Variants in LMBR1 observed in about 807,000 individuals in gnomAD.
LMBR1 encodes limb region 1 protein homolog.
A neutral mutation model predicts 73.9 loss-of-function variants in LMBR1; 52 were observed. That is an observed-to-expected ratio of 0.70 (90% CI 0.56 to 0.89). LMBR1 has a LOEUF of 0.89. LMBR1 is among the 40% of genes least tolerant of loss of function. LMBR1 has a pLI of 0.00. For synonymous variants in LMBR1, 215 were observed against 209.4 expected, an observed-to-expected ratio of 1.03 and a Z score of -0.23; for missense variants, 539 against 579.8, an observed-to-expected ratio of 0.93 and a Z score of 0.72.
At chr7:156,736,748 T>C in intron 9 of LMBR1, 1 of 337,404 alleles carries the variant, frequency 3.0e-6, no homozygotes, top group Middle Eastern at 5.7e-4. Context: ...CCAAAATGCC[T>C]ATCCACATAG....
In LMBR1 at chr7:156,763,182, A is replaced by T. The variant is rs533021069; in HGVS notation, c.551-6T>A. On this transcript the variant is annotated splice_polypyrimidine_tract_variant and splice_region_variant and intron_variant, in intron 6 of 16. Coordinates refer to ENST00000353442, the MANE Select transcript of LMBR1 (RefSeq NM_022458.4). ...TAGATAGAACTCCCAGAGATCTATT[A>T]AAAAAAAGTAAATATATTTTAATAA... The T allele has an allele frequency of 8.5e-5, 100 of 1,172,184 alleles. 1 individual carries two copies. Among genetic ancestry groups the T allele is most frequent in the Admixed American group, 5.3e-4 (23 of 43,474 alleles). The allele number at this position is 1,172,184 out of a possible 1,614,324, so 72.6% of individuals were successfully genotyped here. A position where few individuals can be genotyped will look rare whatever the true frequency, so the allele number is the denominator to read the frequency against.
At chr7:156,788,739 A>C (rs1298443042) in intron 5 of LMBR1, among the ~76,000 whole-genome samples, 1 of 152,216 alleles carries the variant, frequency 6.6e-6, no homozygotes, top group Non-Finnish European at 1.5e-5. Flanking sequence ...AATTTCTAGG[A>C]GATCTGAGAA....
chr7:156,862,741 T>C (rs941301481), intron 1 of LMBR1, among the ~76,000 whole-genome samples: 7 of 152,224 alleles, frequency 4.6e-5, no homozygotes, highest in African/African-American at 7.2e-5. Context: ...CATAATGTGG[T>C]TGGGCCTCAT....
intron 5 of LMBR1, among the ~76,000 whole-genome samples, chr7:156,768,352 T>A (rs1585666437): frequency 6.6e-6 from 1 of 152,056 alleles, no homozygotes; most frequent in Admixed American, 6.5e-5. Context: ...ACAGAGTGAC[T>A]CGGTCTCAAA....
rs562834754 is a variant in LMBR1, at chr7:156,890,454, G to A, written c.66+2474C>T. ...TCTGACAAAGAAATCATATCCACCT[G>A]TATAACAATATAATACAAGTTATTC... On this transcript the variant is annotated intron_variant, in intron 1 of 16. Transcript: ENST00000353442. 7.9e-5 allele frequency among the ~76,000 whole-genome samples: 12 copies of A among 152,258 alleles called. 1 individual carries two copies. The South Asian group carries it at 2.3e-3, about 29-fold the overall frequency.
At chr7:156,838,809 G>A (rs940479459) in intron 1 of LMBR1, among the ~76,000 whole-genome samples, 9 of 151,992 alleles carry the variant, frequency 5.9e-5, no homozygotes, top group Non-Finnish European at 8.8e-5. Flanking sequence ...TTTTTATAAC[G>A]GCCATACTAA....
Position 156,762,840 on chromosome 7 carries a change from A to AGTTTGAGT in LMBR1, c.619+267_619+268insACTCAAAC, listed in dbSNP as rs1554505656. Among the ~76,000 whole-genome samples, 577 of 115,770 alleles carry AGTTTGAGT rather than the reference A, an allele frequency of 5.0e-3. 5 individuals carry two copies. The highest frequency in any genetic ancestry group is 0.019 in the East Asian group (75 of 3,882). The allele number at this position is 115,770 out of a possible 152,430, so 75.9% of individuals were successfully genotyped here. A position where few individuals can be genotyped will look rare whatever the true frequency, so the allele number is the denominator to read the frequency against. The stretch of plus-strand genomic sequence containing the variant: ...GTATATGAGTGTGTGAAAGTGTGTG[A>AGTTTGAGT]GTGTGAGTGTGTGTGTGTGTGTGTG... On this transcript the variant is annotated intron_variant, in intron 7 of 16. Coordinates refer to ENST00000353442, the MANE Select transcript of LMBR1 (RefSeq NM_022458.4).
At chr7:156,866,687 C>CCT (rs56293098) in intron 1 of LMBR1, among the ~76,000 whole-genome samples, 68,549 of 149,798 alleles carry the variant, frequency 0.46, 15,875 homozygotes, top group East Asian at 0.61. Flanking sequence ...CTCACTGCAA[C>CCT]CTGCCTCCCA....
chr7:156,763,049 T>A, intron 7 of LMBR1, 59 bp downstream of exon 7: 1 of 902,484 alleles, frequency 1.1e-6, no homozygotes, highest in Non-Finnish European at 1.7e-6. Context: ...CTTCCCTGAA[T>A]TTTCCAGAAT....
At chr7:156,842,309 A>G (rs1341108376) in intron 1 of LMBR1, among the ~76,000 whole-genome samples, 5 of 149,450 alleles carry the variant, frequency 3.3e-5, no homozygotes, top group African/African-American at 1.2e-4. Context: ...GCTACCTTTT[A>G]AGCATTTTGT....
chr7:156,867,758 G>A (rs1287909760), intron 1 of LMBR1, among the ~76,000 whole-genome samples: 3 of 152,190 alleles, frequency 2.0e-5, no homozygotes, highest in Middle Eastern at 3.2e-3. Context: ...GTGGCCTAGG[G>A]CTAGAGGAAG....
chr7:156,760,150 G>T (rs1822698904), intron 8 of LMBR1, among the ~76,000 whole-genome samples: 1 of 152,148 alleles, frequency 6.6e-6, no homozygotes, highest in African/African-American at 2.4e-5. Context: ...GAGGCAAGGG[G>T]GAGAAGAGAA....
chr7:156,856,725 A>G (rs1464482110), intron 1 of LMBR1, among the ~76,000 whole-genome samples: 1 of 152,182 alleles, frequency 6.6e-6, no homozygotes, highest in African/African-American at 2.4e-5. Context: ...AAAAAAGAAA[A>G]GAAAGATCAT....
chr7:156,769,001 C>T (rs989263648), intron 5 of LMBR1, among the ~76,000 whole-genome samples: 4 of 152,164 alleles, frequency 2.6e-5, no homozygotes, highest in Non-Finnish European at 5.9e-5. Context: ...CTGAGATATT[C>T]GCTTCTCCTC....
chr7:156,892,871 G>T (rs1803417178), intron 1 of LMBR1, 57 bp downstream of exon 1: 2 of 1,324,814 alleles, frequency 1.5e-6, no homozygotes, highest in South Asian at 1.6e-5. Context: ...CGGGGGCGGG[G>T]ACGGAGGGCC....
chr7:156,753,026 T>C (rs1034068631), intron 9 of LMBR1, among the ~76,000 whole-genome samples: 3 of 151,830 alleles, frequency 2.0e-5, no homozygotes, highest in African/African-American at 7.3e-5. Flanking sequence ...TACTGAGGAA[T>C]TGTAGGAAAT....
At chr7:156,762,846 A>AGTGTGTGTGTGTGTGTGTGT (rs35976164) in intron 7 of LMBR1, among the ~76,000 whole-genome samples, 29 of 148,624 alleles carry the variant, frequency 2.0e-4, no homozygotes, top group African/African-American at 5.2e-4. Flanking sequence ...TGTGAGTGTG[A>AGTGTGTGTGTGTGTGTGTGT]GTGTGTGTGT....
At chr7:156,700,409 G>C (rs1306715001) in intron 15 of LMBR1, among the ~76,000 whole-genome samples, 1 of 152,000 alleles carries the variant, frequency 6.6e-6, no homozygotes, top group East Asian at 1.9e-4. Context: ...GGAGGAGGGG[G>C]GGAGGGATAG....
chr7:156,853,950 T>C (rs1796591573), intron 1 of LMBR1, among the ~76,000 whole-genome samples: 1 of 147,286 alleles, frequency 6.8e-6, no homozygotes, highest in Non-Finnish European at 1.5e-5. Flanking sequence ...CCATCGTGCC[T>C]GGCCCACATA....
Sources: gnomAD v4.1 joint callset for allele counts (sites outside exome capture counted in the v4.1 genomes callset) on GRCh38, gnomAD v4.1.1 for gene constraint, MANE v1.5 for transcripts, NCBI Gene and HGNC (gene_info 2026-07-23, HGNC 2026-07-21) for gene names.